Variants in MECOM observed in about 807,000 individuals in gnomAD.
The protein encoded by MECOM is histone-lysine N-methyltransferase MECOM.
Under a neutral mutation model 116.3 loss-of-function variants are expected in MECOM, and 13 were observed. The ratio of observed to expected loss-of-function variants is 0.11; its 90% CI spans 0.07 to 0.18. MECOM has a LOEUF of 0.18. MECOM is among the 10% of genes least tolerant of loss of function. The probability of loss-of-function intolerance (pLI) is 1.00; values close to 1 mark genes in which losing one functional copy is unlikely to be tolerated. For missense variants in MECOM, 1,299 were observed against 1,509.0 expected, an observed-to-expected ratio of 0.86 and a Z score of 2.31; for synonymous variants, 528 against 535.2, an observed-to-expected ratio of 0.99 and a Z score of 0.19.
chr3:169,350,275 G>A (rs1252983847), intron 2 of MECOM, among the ~76,000 whole-genome samples: 1 of 151,908 alleles, frequency 6.6e-6, no homozygotes, highest in Non-Finnish European at 1.5e-5. Context: ...CTTGGAACCT[G>A]GTCTAAGCTC....
intron 2 of MECOM, among the ~76,000 whole-genome samples, chr3:169,155,175 G>T (rs367715610): frequency 1.3e-5 from 2 of 152,200 alleles, no homozygotes; most frequent in African/African-American, 2.4e-5. Flanking sequence ...TCCAAGCAAA[G>T]TTGGTTACTT....
At chr3:169,295,221 T>C (rs1381050174) in intron 2 of MECOM, among the ~76,000 whole-genome samples, 1 of 152,160 alleles carries the variant, frequency 6.6e-6, no homozygotes, top group South Asian at 2.1e-4. Context: ...ATATATTGGG[T>C]TTCTGAGTAA....
chr3:169,086,972 A>G (rs1387102768), intron 16 of MECOM, among the ~76,000 whole-genome samples: 3 of 152,188 alleles, frequency 2.0e-5, no homozygotes, highest in African/African-American at 7.2e-5. Context: ...TTAATAAATG[A>G]ACGAATGAAT....
chr3:169,212,636 GTATATATATATATATATATATATATATA>G (rs61115570), intron 2 of MECOM, among the ~76,000 whole-genome samples: 2 of 26,062 alleles, frequency 7.7e-5, no homozygotes, highest in African/African-American at 1.7e-4. Context: ...AGTCAGCAAT[GTATATATATATATATATATATATATATA>G]TATATATATA....
intron 1 of MECOM, among the ~76,000 whole-genome samples, chr3:169,400,822 T>C (rs1577985673): frequency 6.6e-6 from 1 of 152,328 alleles, no homozygotes; most frequent in East Asian, 1.9e-4. Context: ...TCAGCATCCT[T>C]TTCAGATATC....
intron 1 of MECOM, among the ~76,000 whole-genome samples, chr3:169,474,399 T>C (rs929267792): frequency 2.6e-5 from 4 of 152,178 alleles, no homozygotes; most frequent in Non-Finnish European, 4.4e-5. Flanking sequence ...TAGATGTCAG[T>C]CTGTACTTAC....
chr3:169,152,070 G>C (rs979382452), intron 2 of MECOM, among the ~76,000 whole-genome samples: 2 of 152,106 alleles, frequency 1.3e-5, no homozygotes, highest in Admixed American at 1.3e-4. Flanking sequence ...CTCTAAGCAT[G>C]AATGTGAATT....
chr3:169,206,115 G>T (rs1236140727), intron 2 of MECOM, among the ~76,000 whole-genome samples: 1 of 152,086 alleles, frequency 6.6e-6, no homozygotes, highest in African/African-American at 2.4e-5. Context: ...TCATGTTTGT[G>T]AATCTCATCC....
chr3:169,227,731 A>C (rs974433163), intron 2 of MECOM, among the ~76,000 whole-genome samples: 1 of 152,256 alleles, frequency 6.6e-6, no homozygotes, highest in African/African-American at 2.4e-5. Context: ...AAATCATGGA[A>C]TAAAATGCTT....
chr3:169,089,672 A>C (rs534512222), intron 15 of MECOM, among the ~76,000 whole-genome samples: 21 of 152,262 alleles, frequency 1.4e-4, no homozygotes, highest in African/African-American at 4.3e-4. Flanking sequence ...ATTATTGTAT[A>C]ATTAGATAAC....
intron 1 of MECOM, among the ~76,000 whole-genome samples, chr3:169,642,571 C>T (rs1773634111): frequency 6.6e-6 from 1 of 151,000 alleles, no homozygotes; most frequent in Non-Finnish European, 1.5e-5. Context: ...AAGAGCAGTT[C>T]AGAGAAGATA....
chr3:169,625,249 A>G (rs144186623), intron 1 of MECOM, among the ~76,000 whole-genome samples: 1 of 152,270 alleles, frequency 6.6e-6, no homozygotes, highest in African/African-American at 2.4e-5. Context: ...TAGATTCTCT[A>G]GAAATTTTCC....
intron 1 of MECOM, among the ~76,000 whole-genome samples, chr3:169,547,274 T>A (rs2109275224): frequency 6.6e-6 from 1 of 152,328 alleles, no homozygotes; most frequent in Middle Eastern, 3.4e-3. Flanking sequence ...TGTGCTTGCT[T>A]CCTCTTAGCC....
chr3:169,214,275 C>G (rs1751146469), intron 2 of MECOM, among the ~76,000 whole-genome samples: 1 of 151,920 alleles, frequency 6.6e-6, no homozygotes, highest in Non-Finnish European at 1.5e-5. Context: ...CTAAACTAAA[C>G]TAAAAGAACT....
chr3:169,128,939 C>T (rs535007183), intron 4 of MECOM, among the ~76,000 whole-genome samples: 3 of 152,288 alleles, frequency 2.0e-5, no homozygotes, highest in East Asian at 1.9e-4. Flanking sequence ...GATACAATCA[C>T]AGAAGTCTTG....
intron 2 of MECOM, among the ~76,000 whole-genome samples, chr3:169,250,357 G>A (rs948418669): frequency 6.6e-6 from 1 of 152,114 alleles, no homozygotes; most frequent in African/African-American, 2.4e-5. Context: ...TTCTTCAAAG[G>A]CATCACTTGG....
At chr3:169,240,937 C>G (rs1577440075) in intron 2 of MECOM, among the ~76,000 whole-genome samples, 1 of 152,180 alleles carries the variant, frequency 6.6e-6, no homozygotes, top group Non-Finnish European at 1.5e-5. Flanking sequence ...GTAATGCCCT[C>G]TCCGTGTGGA....
At chr3:169,268,184 T>C (rs116268191) in intron 2 of MECOM, among the ~76,000 whole-genome samples, 398 of 152,318 alleles carry the variant, frequency 2.6e-3, no homozygotes, top group Non-Finnish European at 4.7e-3. Flanking sequence ...TAGCTTTTCA[T>C]ACCAACCTTG....
chr3:169,613,940 T>A (rs995214962), intron 1 of MECOM: 37 of 152,160 alleles, frequency 2.4e-4, no homozygotes, highest in African/African-American at 8.7e-4. Flanking sequence ...GATAAGGTGG[T>A]CTTATGTTCC....
Sources: gnomAD v4.1 joint callset for allele counts (sites outside exome capture counted in the v4.1 genomes callset) on GRCh38, gnomAD v4.1.1 for gene constraint, MANE v1.5 for transcripts, NCBI Gene and HGNC (gene_info 2026-07-23, HGNC 2026-07-21) for gene names.